Variants in UQCRC1 observed in about 807,000 individuals in gnomAD.
UQCRC1 encodes the protein cytochrome b-c1 complex subunit 1, mitochondrial.
In UQCRC1, 34 loss-of-function variants were observed where a neutral mutation model predicts 58.0. The ratio of observed to expected loss-of-function variants is 0.59; its 90% confidence interval spans 0.45 to 0.78. The LOEUF (loss-of-function observed/expected upper bound fraction) is 0.78, where lower values mean the gene tolerates loss of function less well. UQCRC1 is among the 30% of genes least tolerant of loss of function. The pLI, the probability that UQCRC1 is intolerant of heterozygous loss-of-function variation, is 0.00. For missense variants in UQCRC1, 610 were observed against 646.0 expected, an observed-to-expected ratio of 0.94 and a Z score of 0.60; for synonymous variants, 276 against 248.8, an observed-to-expected ratio of 1.11 and a Z score of -1.03.
chr3:48,600,108 G>C lies in UQCRC1; in HGVS notation c.1257C>G (p.Thr419=). Residue 419 remains threonine, a synonymous_variant, in exon 11 of 13, where the codon ACC becomes ACG. Coordinates refer to ENST00000203407, the MANE Select transcript of UQCRC1 (RefSeq NM_003365.3). ...VCEDIGRSLL[T]YGRRIPLAEW... ...CAGCCAGGGGGATGCGGCGGCCATA[G>C]GTCAGGAGGCTGCGTCCGATGTCCT... is the stretch of plus-strand genomic sequence containing the variant. 1 of 1,614,160 alleles carries C rather than the reference G, an allele frequency of 6.2e-7. No individual in the cohort carries two copies. The highest frequency in any genetic ancestry group is 8.5e-7 in the Non-Finnish European group (1 of 1,180,028).
Position 48,600,577 on chromosome 3 carries a change from G to A in UQCRC1, c.1128-10C>T. On this transcript the variant is annotated splice_polypyrimidine_tract_variant and intron_variant, in intron 9 of 12. Coordinates refer to ENST00000203407, the MANE Select transcript of UQCRC1 (RefSeq NM_003365.3). The stretch of plus-strand genomic sequence containing the variant: ...GGTACACAGGCGCATCCTAAAGTGG[G>A]GGGGTGGGTGGTATTCATTCTGAGC... 1.9e-6 allele frequency: 3 copies of A among 1,614,080 alleles called. No homozygotes were observed. Among genetic ancestry groups the A allele is most frequent in the South Asian group, 1.1e-5 (1 of 91,066 alleles).
Position 48,602,916 on chromosome 3 carries a change from C to T in UQCRC1, c.706+648G>A, listed in dbSNP as rs560576845. On this transcript the variant is annotated intron_variant, in intron 6 of 12. Transcript: ENST00000203407. ...ACCACCTGGAGTCCATCTACTGCTC[C>T]CCCTTGCTCCTGCCATCTCCTGCCC... 5.3e-5 allele frequency among the ~76,000 whole-genome samples: 8 copies of T among 152,180 alleles called. No individual in the cohort carries two copies. In the South Asian group the frequency reaches 1.2e-3, roughly 24 times the overall value.
At chr3:48,603,512 T>A in intron 6 of UQCRC1, 52 bp downstream of exon 6, 1 of 1,592,188 alleles carries the variant, frequency 6.3e-7, no homozygotes, top group Admixed American at 1.7e-5. Context: ...TCGGCTTTGA[T>A]AACCAAGGCT....
chr3:48,604,409 A>G lies in UQCRC1; in HGVS notation c.450T>C (p.Ile150=), dbSNP rs199666816. Residue 150 remains isoleucine, a synonymous_variant, in exon 5 of 13, where the codon ATT becomes ATC. Transcript: ENST00000203407. ...LPKAVELLGD[I]VQNCSLEDSQ... ...AGTCTTCCAGACTACAGTTCTGCAC[A>G]ATGTCACCCAGGAGCTCCACAGCTA... 7 of 1,614,088 alleles carry G rather than the reference A, an allele frequency of 4.3e-6. No individual in the cohort carries two copies. Among genetic ancestry groups the G allele is most frequent in the Non-Finnish European group, 4.2e-6 (5 of 1,179,966 alleles).
At chr3:48,599,834 G>T in intron 11 of UQCRC1, 124 bp from the exon 12 acceptor site, 1 of 1,163,504 alleles carries the variant, frequency 8.6e-7, no homozygotes, top group South Asian at 1.3e-5. Context: ...GCCCAAAAGA[G>T]GAAAGGCAGA....
Position 48,609,147 on chromosome 3 carries a change from G to C in UQCRC1, c.210+15C>G. The C allele has an allele frequency of 1.9e-6, 3 of 1,596,378 alleles. No individual in the cohort carries two copies. The highest frequency in any genetic ancestry group is 2.7e-5 in the African/African-American group (2 of 74,688). On this transcript the variant is annotated intron_variant, in intron 2 of 12. Coordinates refer to ENST00000203407, the MANE Select transcript of UQCRC1 (RefSeq NM_003365.3). The stretch of plus-strand genomic sequence containing the variant: ...CAACCTGGAGGCCCTCTCCCCAAAA[G>C]CGTCCCCAACTCACCGTGCAAGTGG...
Position 48,604,241 on chromosome 3 carries a change from C to G in UQCRC1, c.618G>C (p.Glu206Asp), listed in dbSNP as rs375352661. 10 of 1,612,500 alleles carry G rather than the reference C, an allele frequency of 6.2e-6. No individual in the cohort carries two copies. The highest frequency in any genetic ancestry group is 8.5e-6 in the Non-Finnish European group (10 of 1,179,918). The change falls in exon 5 of 13, where the codon GAG becomes GAC. Residue 206 changes from glutamate to aspartate, a missense_variant. Glu to Asp is a conservative substitution (Grantham distance 45, BLOSUM62 2). Transcript: ENST00000203407. ...PLAQAVEGPS[E>D]NVRKLSRADL... The stretch of plus-strand genomic sequence containing the variant: ...GGCCAGCCAACTCTCACCTGACATT[C>G]TCACTGGGCCCCTCCACAGCCTGGG...
chr3:48,606,640 G>C (rs2046415318), intron 2 of UQCRC1, among the ~76,000 whole-genome samples: 1 of 151,948 alleles, frequency 6.6e-6, no homozygotes, highest in South Asian at 2.1e-4. Context: ...CTAGCTACTT[G>C]GGAGGCTGAG....
In UQCRC1 at chr3:48,603,613, G is replaced by A. The variant is rs1575513160; in HGVS notation, c.657C>T (p.Tyr219=). 1 of 1,614,014 alleles carries A rather than the reference G, an allele frequency of 6.2e-7. No homozygotes were observed. The highest frequency in any genetic ancestry group is 8.5e-7 in the Non-Finnish European group (1 of 1,179,990). The part of the protein sequence containing the change: ...RKLSRADLTE[Y]LSTHYKAPRM... ...GAGGGGCCTTGTAATGTGTGCTGAG[G>A]TACTCGGTCAAGTCTGCACGAGACA... The change falls in exon 6 of 13, where the codon TAC becomes TAT. Residue 219 remains tyrosine, a synonymous_variant. Transcript: ENST00000203407.
rs151327221 is a variant in UQCRC1 at position 48,600,414 on chromosome 3, A to G, written c.1213+68T>C. 4.4e-5 allele frequency: 70 copies of G among 1,579,072 alleles called. No individual in the cohort carries two copies. The East Asian group carries it at 1.6e-3, about 35-fold the overall frequency. ...TTTCTAACCTTGGTTAGTTAGGAGC[A>G]GTGGCCACCTTGGTGCTGTCGCTGG... On this transcript the variant is annotated intron_variant, in intron 10 of 12. Coordinates refer to ENST00000203407, the MANE Select transcript of UQCRC1 (RefSeq NM_003365.3).
chr3:48,601,540 C>T, intron 6 of UQCRC1, 73 bp from the exon 7 acceptor site: 1 of 1,383,540 alleles, frequency 7.2e-7, no homozygotes, highest in Non-Finnish European at 1.0e-6. Flanking sequence ...CACAGACAGG[C>T]AGAGGACCCC....
intron 3 of UQCRC1, 89 bp downstream of exon 3, chr3:48,605,681 C>T: frequency 1.5e-6 from 2 of 1,332,584 alleles, no homozygotes; most frequent in Non-Finnish European, 2.1e-6. Context: ...AACTGAGGCC[C>T]ATAATCAGGC....
At chr3:48,600,258 GCTGA>G (rs1370863344) in intron 10 of UQCRC1, 107 bp from the exon 11 acceptor site, 49 of 1,288,150 alleles carry the variant, frequency 3.8e-5, no homozygotes, top group Non-Finnish European at 6.6e-6. Context: ...CTGACCTCAT[GCTGA>G]CTCAGATCAC....
At chr3:48,600,274 G>C (rs780005332) in intron 10 of UQCRC1, 123 bp from the exon 11 acceptor site, 1 of 1,176,606 alleles carries the variant, frequency 8.5e-7, no homozygotes, top group African/African-American at 1.5e-5. Flanking sequence ...TCAGATCACA[G>C]CCCTCTCTTC....
At chr3:48,603,381 G>A (rs1270071938) in intron 6 of UQCRC1, among the ~76,000 whole-genome samples, 183 bp downstream of exon 6, 1 of 152,162 alleles carries the variant, frequency 6.6e-6, no homozygotes, top group Non-Finnish European at 1.5e-5. Context: ...TCCCAGTGGT[G>A]GCGGCAGGGT....
rs1394219061 is a variant in UQCRC1 at position 48,603,190 on chromosome 3, C to T, written c.706+374G>A. ...CCTTCTGTGCCTTCCTTTCAAGGCA[C>T]TTCTTGGTTTGTTATCAGGCATGCA... On this transcript the variant is annotated intron_variant, in intron 6 of 12. Transcript: ENST00000203407. Among the ~76,000 whole-genome samples, 4 of 152,186 alleles carry T rather than the reference C, an allele frequency of 2.6e-5. 1 individual carries two copies.
At position 48,609,627 on chromosome 3, in the gene UQCRC1, G is replaced by C. The variant is rs768445868; in HGVS notation, c.-7C>G. ...AGACCACGGACGCCGCCATCTTCCA[G>C]CTGCAGTCGGCCCTGTTGCGCCGCG... On this transcript the variant is annotated 5_prime_UTR_variant, in exon 1 of 13. Coordinates refer to ENST00000203407, the MANE Select transcript of UQCRC1 (RefSeq NM_003365.3). 1.3e-5 allele frequency: 20 copies of C among 1,561,936 alleles called. No individual in the cohort carries two copies. The highest frequency in any genetic ancestry group is 1.6e-5 in the Non-Finnish European group (19 of 1,157,250).
In UQCRC1 at chr3:48,609,260, AGGTTGCC is replaced by A. The variant is rs1184099348; in HGVS notation, c.105_111del (p.Ala36SerfsTer130). Reference sequence around the variant, plus strand: ...GGCACGAACTGGAGCGCCTGAGCGAAGGTTGCCGTACTCCGCAAGGCTGGCGTCCGCA... The same window carrying A: ...GGCACGAACTGGAGCGCCTGAGCGAAGTACTCCGCAAGGCTGGCGTCCGCA... On this transcript the variant is annotated frameshift_variant, in exon 2 of 13. Transcript: ENST00000203407. LOFTEE classifies it high-confidence loss of function. The A allele has an allele frequency of 6.2e-7, 1 of 1,612,504 alleles. No individual in the cohort carries two copies. The highest frequency in any genetic ancestry group is 8.5e-7 in the Non-Finnish European group (1 of 1,179,628).
rs1345041649 is a variant in UQCRC1 at position 48,609,307 on chromosome 3, G to A, written c.70-5C>T. 5 of 1,603,828 alleles carry A rather than the reference G, an allele frequency of 3.1e-6. No individual in the cohort carries two copies. ...TGGCGTCCGCAGCAGGGCCGGCTGT[G>A]GAAGGGAACAGCCGCGAGTGAGGAC... On this transcript the variant is annotated splice_region_variant and splice_polypyrimidine_tract_variant and intron_variant, in intron 1 of 12. Coordinates refer to ENST00000203407, the MANE Select transcript of UQCRC1 (RefSeq NM_003365.3).
Sources: allele counts gnomAD v4.1 joint callset (sites outside exome capture counted in the v4.1 genomes callset), GRCh38; gene constraint gnomAD v4.1.1; transcripts MANE v1.5; gene names NCBI Gene and HGNC (gene_info 2026-07-23, HGNC 2026-07-21).